Variants in TSHZ2 observed in about 807,000 individuals in gnomAD.
TSHZ2 encodes teashirt homolog 2.
In TSHZ2, 21 loss-of-function variants were observed where a neutral mutation model predicts 74.4. That is an observed-to-expected ratio of 0.28 (90% CI 0.20 to 0.41). TSHZ2 has a LOEUF of 0.41. Ranked by LOEUF, TSHZ2 falls within the 10% of genes least tolerant of loss-of-function variation. The probability of loss-of-function intolerance (pLI) is 1.00; values close to 1 mark genes in which losing one functional copy is unlikely to be tolerated. For missense variants in TSHZ2, 1,244 were observed against 1,293.5 expected (o/e 0.96, Z 0.59); for synonymous variants, 540 against 515.3 (o/e 1.05, Z -0.65).
chr20:53,185,235 CA>C, intron 1 of TSHZ2: 1 of 991,076 alleles, frequency 1.0e-6, no homozygotes, highest in Non-Finnish European at 1.2e-6. Flanking sequence ...CCTGTTTCTC[CA>C]ACCCCTGTAG....
intron 1 of TSHZ2, among the ~76,000 whole-genome samples, chr20:53,022,738 A>G (rs1270018528): frequency 6.6e-6 from 1 of 152,224 alleles, no homozygotes; most frequent in Non-Finnish European, 1.5e-5. Context: ...TTGTATATAC[A>G]TCTAATTGTA....
chr20:53,458,421 T>G (rs1473129449), intron 2 of TSHZ2, among the ~76,000 whole-genome samples: 1 of 152,240 alleles, frequency 6.6e-6, no homozygotes, highest in African/African-American at 2.4e-5. Flanking sequence ...TTTGTCATTT[T>G]TTATTACATC....
At chr20:53,366,786 A>G (rs553958777) in intron 2 of TSHZ2, among the ~76,000 whole-genome samples, 1 of 152,360 alleles carries the variant, frequency 6.6e-6, no homozygotes, top group East Asian at 1.9e-4. Context: ...CATTCTTGAA[A>G]GTAACAGAAC....
intron 2 of TSHZ2, among the ~76,000 whole-genome samples, chr20:53,368,173 T>C (rs888022578): frequency 6.6e-6 from 1 of 151,814 alleles, no homozygotes; most frequent in Non-Finnish European, 1.5e-5. Flanking sequence ...GTTTTTTTAC[T>C]TGGAGGTAGG....
intron 1 of TSHZ2, among the ~76,000 whole-genome samples, chr20:53,038,908 G>T (rs8121047): frequency 0.028 from 4,134 of 147,790 alleles, 225 homozygotes; most frequent in African/African-American, 0.099. Context: ...TTGTTTGTTT[G>T]TTTTTGAGAT....
At chr20:53,300,944 T>TTTTC (rs1443116858) in intron 2 of TSHZ2, among the ~76,000 whole-genome samples, 26 of 152,266 alleles carry the variant, frequency 1.7e-4, no homozygotes, top group African/African-American at 6.3e-4. Context: ...ATTTCTTTTC[T>TTTTC]TTTCTTTCTT....
At chr20:53,070,858 T>C (rs1371729343) in intron 1 of TSHZ2, among the ~76,000 whole-genome samples, 1 of 152,208 alleles carries the variant, frequency 6.6e-6, no homozygotes, top group African/African-American at 2.4e-5. Context: ...GGGCGTGTTC[T>C]TCAAGTCACT....
At chr20:53,383,443 G>A (rs1981931028) in intron 2 of TSHZ2, among the ~76,000 whole-genome samples, 1 of 152,040 alleles carries the variant, frequency 6.6e-6, no homozygotes, top group Admixed American at 6.5e-5. Context: ...ATAAATCCAT[G>A]ACTTTTATTT....
intron 2 of TSHZ2, among the ~76,000 whole-genome samples, chr20:53,349,546 G>A (rs532641086): frequency 6.6e-6 from 1 of 151,924 alleles, no homozygotes; most frequent in East Asian, 1.9e-4. Flanking sequence ...CAGCTACTCT[G>A]GAGGCTGAGG....
chr20:52,984,559 C>T (rs1600629707), intron 1 of TSHZ2, among the ~76,000 whole-genome samples: 1 of 151,946 alleles, frequency 6.6e-6, no homozygotes, highest in Non-Finnish European at 1.5e-5. Flanking sequence ...ACTGGGTGGC[C>T]GGAGCAGACG....
intron 1 of TSHZ2, among the ~76,000 whole-genome samples, 155 bp from the exon 2 acceptor site, chr20:53,253,344 A>G (rs1368578505): frequency 6.6e-6 from 1 of 150,428 alleles, no homozygotes; most frequent in Non-Finnish European, 1.5e-5. Context: ...GAAAGACACC[A>G]TTTGGCTTTT....
intron 2 of TSHZ2, among the ~76,000 whole-genome samples, chr20:53,348,174 G>A (rs537419714): frequency 1.3e-5 from 2 of 152,312 alleles, no homozygotes; most frequent in Non-Finnish European, 2.9e-5. Context: ...TGGGAGACAA[G>A]TGTTCTAACG....
At chr20:53,238,836 TAAAA>T (rs746136673) in intron 1 of TSHZ2, among the ~76,000 whole-genome samples, 4 of 66,020 alleles carry the variant, frequency 6.1e-5, no homozygotes, top group Middle Eastern at 9.1e-3. Flanking sequence ...ATCTTATATC[TAAAA>T]AAAAAAAAAA....
At chr20:52,974,497 T>G (rs978490848) in intron 1 of TSHZ2, among the ~76,000 whole-genome samples, 8 of 151,458 alleles carry the variant, frequency 5.3e-5, no homozygotes, top group African/African-American at 1.7e-4. Context: ...GCAAAAAGCT[T>G]AAGTTTAGTT....
intron 2 of TSHZ2, among the ~76,000 whole-genome samples, chr20:53,481,618 G>T (rs1319795147): frequency 6.6e-6 from 1 of 151,806 alleles, no homozygotes; most frequent in Non-Finnish European, 1.5e-5. Flanking sequence ...AAAAATAATA[G>T]TGTGTTGTCC....
At chr20:53,098,112 T>G (rs1986108364) in intron 1 of TSHZ2, 1 of 152,206 alleles carries the variant, frequency 6.6e-6, no homozygotes, top group Non-Finnish European at 1.5e-5. Context: ...CCATTCTCCA[T>G]TCAAAATCAG....
At chr20:53,062,643 G>T (rs1360456179) in intron 1 of TSHZ2, among the ~76,000 whole-genome samples, 1 of 152,142 alleles carries the variant, frequency 6.6e-6, no homozygotes, top group African/African-American at 2.4e-5. Context: ...TTGGCTTAAG[G>T]GAATGTTGTG....
At position 53,469,046 on chromosome 20, in the gene TSHZ2, TATA is replaced by T. The variant is rs1555872229; in HGVS notation, c.*9-18097_*9-18095del. Among the ~76,000 whole-genome samples the T allele has an allele frequency of 1.4e-4, 6 of 42,320 alleles. 1 individual carries two copies. The highest frequency in any genetic ancestry group is 1.7e-3 in the South Asian group (2 of 1,190). 27.8% of individuals were successfully genotyped at this position (42,320 alleles called of 152,430 possible). A position where few individuals can be genotyped will look rare whatever the true frequency, so the allele number is the denominator to read the frequency against. On this transcript the variant is annotated intron_variant, in intron 2 of 2. Coordinates refer to ENST00000371497, the MANE Select transcript of TSHZ2 (RefSeq NM_173485.6). The stretch of plus-strand genomic sequence containing the variant: ...CCTAAAGGCTCTGAAATCGATATTT[TATA>T]TATATATATATATATATATATATAT...
Position 52,973,336 on chromosome 20 carries a change from A to G in TSHZ2, c.40+3A>G. The G allele has an allele frequency of 1.3e-6, 2 of 1,551,800 alleles. No homozygotes were observed. Among genetic ancestry groups the G allele is most frequent in the Non-Finnish European group, 1.7e-6 (2 of 1,146,972 alleles). On this transcript the variant is annotated splice_donor_region_variant and intron_variant, in intron 1 of 2. Transcript: ENST00000371497. ...GCAGGCACCCAAGCGGGCGGCAGGT[A>G]AGAGAAACGGCTCCGCTTCGGGGCT...
Sources: gnomAD v4.1 joint callset for allele counts (sites outside exome capture counted in the v4.1 genomes callset) on GRCh38, gnomAD v4.1.1 for gene constraint, MANE v1.5 for transcripts, NCBI Gene and HGNC (gene_info 2026-07-23, HGNC 2026-07-21) for gene names.